TMEM209: variants seen among roughly 807,000 people sequenced by gnomAD.
TMEM209 encodes the protein transmembrane protein 209.
A neutral mutation model predicts 76.2 loss-of-function variants in TMEM209; 65 were observed. That is an observed-to-expected ratio of 0.85 (90% CI 0.70 to 1.05). The LOEUF is 1.05. Among genes scored for constraint, TMEM209 ranks in the 50% least tolerant of loss-of-function variants. The probability of loss-of-function intolerance (pLI) is 0.00; values close to 1 mark genes in which losing one functional copy is unlikely to be tolerated. For missense variants in TMEM209, 623 were observed against 685.5 expected, an observed-to-expected ratio of 0.91 and a Z score of 1.02; for synonymous variants, 239 against 237.6, an observed-to-expected ratio of 1.01 and a Z score of -0.06.
intron 10 of TMEM209, among the ~76,000 whole-genome samples, chr7:130,176,788 T>C (rs1476875069): frequency 6.6e-6 from 1 of 152,096 alleles, no homozygotes; most frequent in Non-Finnish European, 1.5e-5. Flanking sequence ...AAACAAACAT[T>C]GCCAAAAAAT....
At chr7:130,173,756 TA>T (rs1301156221) in intron 12 of TMEM209, 27 bp from the exon 13 acceptor site, 1 of 1,610,146 alleles carries the variant, frequency 6.2e-7, no homozygotes, top group East Asian at 2.2e-5. Context: ...TATGCTGCAT[TA>T]AAAAACCAAA....
chr7:130,178,603 T>C, intron 9 of TMEM209, 76 bp from the exon 10 acceptor site: 3 of 1,557,014 alleles, frequency 1.9e-6, no homozygotes, highest in East Asian at 2.3e-5. Flanking sequence ...GCTCTTCTCA[T>C]GTGTTCATAC....
At chr7:130,190,725 A>G (rs1316300064) in intron 6 of TMEM209, among the ~76,000 whole-genome samples, 1 of 152,080 alleles carries the variant, frequency 6.6e-6, no homozygotes, top group African/African-American at 2.4e-5. Flanking sequence ...GGTCAGGCAC[A>G]ATGGCTTACG....
At chr7:130,175,205 T>C (rs1407394469) in intron 11 of TMEM209, 2 of 269,590 alleles carry the variant, frequency 7.4e-6, no homozygotes, top group East Asian at 1.4e-4. Flanking sequence ...CTCGTGTCTG[T>C]AAACCCAGCA....
At chr7:130,176,025 G>A (rs1404027148) in intron 10 of TMEM209, among the ~76,000 whole-genome samples, 2 of 152,050 alleles carry the variant, frequency 1.3e-5, no homozygotes, top group Non-Finnish European at 2.9e-5. Context: ...AAAAAAAAGT[G>A]TGTGTGTATA....
intron 14 of TMEM209, among the ~76,000 whole-genome samples, chr7:130,169,756 C>T (rs1034792946): frequency 6.6e-6 from 1 of 151,810 alleles, no homozygotes; most frequent in Non-Finnish European, 1.5e-5. Flanking sequence ...TTTTGCTAGC[C>T]TTAGGTTACT....
chr7:130,200,810 A>G (rs1330578991), intron 5 of TMEM209, among the ~76,000 whole-genome samples: 1 of 152,184 alleles, frequency 6.6e-6, no homozygotes, highest in Non-Finnish European at 1.5e-5. Flanking sequence ...GATAACCAGT[A>G]GTATGGAATT....
chr7:130,175,527 C>A lies in TMEM209; in HGVS notation c.1329G>T (p.Leu443=), dbSNP rs945230242. 8 of 1,612,224 alleles carry A rather than the reference C, an allele frequency of 5.0e-6. No individual in the cohort carries two copies. In the African/African-American group the frequency reaches 1.1e-4, roughly 22 times the overall value. ...AGGGGCTTACAGCAGAATCGGTGGG[C>A]AGGTCTGTATCCCACTTTCGTCCTT... ...DFKGRKWDTD[L]PTDSAIIMHV... is the part of the protein sequence containing the mutation. Residue 443 remains leucine, a synonymous_variant, in exon 11 of 15, where the codon CTG becomes CTT. Coordinates refer to ENST00000397622, the MANE Select transcript of TMEM209 (RefSeq NM_032842.4).
In TMEM209 at chr7:130,166,431, A is replaced by C; in HGVS notation, c.*20T>G. 4 of 1,533,148 alleles carry C rather than the reference A, an allele frequency of 2.6e-6. No individual in the cohort carries two copies. The highest frequency in any genetic ancestry group is 2.1e-5 in the Admixed American group (1 of 47,344). The allele number at this position is 1,533,148 out of a possible 1,614,324, so 95.0% of individuals were successfully genotyped here. On this transcript the variant is annotated 3_prime_UTR_variant, in exon 15 of 15. Transcript: ENST00000397622. Reference sequence around the variant, plus strand: ...GGTTCAGTGAAATAGTCTAAATGTCAGAATTAAATATATGACTTGCTACTC... The same window carrying C: ...GGTTCAGTGAAATAGTCTAAATGTCCGAATTAAATATATGACTTGCTACTC...
chr7:130,185,476 A>C, intron 6 of TMEM209, 109 bp from the exon 7 acceptor site: 19 of 905,244 alleles, frequency 2.1e-5, no homozygotes, highest in Non-Finnish European at 2.9e-5. Context: ...ACCAACCCTC[A>C]AGGAGATTCT....
chr7:130,176,111 T>C (rs1331281111), intron 10 of TMEM209, among the ~76,000 whole-genome samples: 1 of 127,726 alleles, frequency 7.8e-6, no homozygotes, highest in Non-Finnish European at 1.6e-5. Context: ...GTGTTCACTG[T>C]ATTCTTTTTT....
intron 1 of TMEM209, among the ~76,000 whole-genome samples, chr7:130,204,453 T>C (rs1368426909): frequency 6.6e-6 from 1 of 152,174 alleles, no homozygotes; most frequent in Non-Finnish European, 1.5e-5. Context: ...GCGATTCTCC[T>C]GCCTCAGACT....
rs756909694 is a variant in TMEM209 at position 130,175,522 on chromosome 7, G to C, written c.1334C>G (p.Thr445Ser). 6.2e-7 allele frequency: 1 copy of C among 1,612,272 alleles called. No individual in the cohort carries two copies. Among genetic ancestry groups the C allele is most frequent in the Admixed American group, 1.7e-5 (1 of 59,842 alleles). ...AATCTAGGGGCTTACAGCAGAATCGGTGGGCAGGTCTGTATCCCACTTTCG... is the reference window on the plus strand; with the variant it reads ...AATCTAGGGGCTTACAGCAGAATCGCTGGGCAGGTCTGTATCCCACTTTCG... ...KGRKWDTDLP[T>S]DSAIIMHVFC... is the part of the protein sequence containing the mutation. The change falls in exon 11 of 15, where the codon ACC becomes AGC. Residue 445 changes from threonine to serine, a missense_variant. Physicochemically the swap from Thr to Ser is moderately conservative, Grantham distance 58 (BLOSUM62 1). Coordinates refer to ENST00000397622, the MANE Select transcript of TMEM209 (RefSeq NM_032842.4).
intron 9 of TMEM209, among the ~76,000 whole-genome samples, chr7:130,181,193 A>G (rs1797400803): frequency 6.6e-6 from 1 of 152,256 alleles, no homozygotes; most frequent in Non-Finnish European, 1.5e-5. Context: ...TGCTCAGTGA[A>G]AGAAGCCAGT....
At position 130,177,392 on chromosome 7, in the gene TMEM209, T is replaced by C. The variant is rs542919843; in HGVS notation, c.1246+1010A>G. ...ATGATAATTGTATTCTGGTTATGTA[T>C]GTTTGTATTAGTTTTCTAAAGGCTC... is the stretch of plus-strand genomic sequence containing the variant. On this transcript the variant is annotated intron_variant, in intron 10 of 14. Coordinates refer to ENST00000397622, the MANE Select transcript of TMEM209 (RefSeq NM_032842.4). Among the ~76,000 whole-genome samples, 405 of 150,962 alleles carry C rather than the reference T, an allele frequency of 2.7e-3. 2 individuals carry two copies. The highest frequency in any genetic ancestry group is 4.6e-3 in the Non-Finnish European group (313 of 67,792).
At chr7:130,179,015 T>C (rs1344619724) in intron 9 of TMEM209, among the ~76,000 whole-genome samples, 2 of 152,148 alleles carry the variant, frequency 1.3e-5, no homozygotes, top group Non-Finnish European at 2.9e-5. Context: ...CTCAAACTCC[T>C]GGGTTCAAGC....
At chr7:130,190,167 A>G (rs1450804912) in intron 6 of TMEM209, among the ~76,000 whole-genome samples, 1 of 152,210 alleles carries the variant, frequency 6.6e-6, no homozygotes, top group Non-Finnish European at 1.5e-5. Flanking sequence ...ATAAATGTAA[A>G]AGGCAGCTGC....
rs763344598 is a variant in TMEM209 at position 130,178,459 on chromosome 7, T to C, written c.1189A>G (p.Ile397Val). Residue 397 changes from isoleucine to valine, a missense_variant, in exon 10 of 15, where the codon ATC (isoleucine) becomes GTC (valine). Transcript: ENST00000397622. ...KAPLIPTLNTIVQYLDLTPNQ... is the reference protein window; with the variant it reads ...KAPLIPTLNTVVQYLDLTPNQ... ...GGAGTAAGGTCTAGATACTGAACGA[T>C]TGTGTTCAAAGTCGGAATGAGAGGC... The C allele has an allele frequency of 1.5e-5, 25 of 1,613,708 alleles. No homozygotes were observed. Among genetic ancestry groups the C allele is most frequent in the Admixed American group, 5.0e-5 (3 of 59,996 alleles).
intron 6 of TMEM209, among the ~76,000 whole-genome samples, chr7:130,191,502 A>G (rs773244237): frequency 6.6e-6 from 1 of 152,158 alleles, no homozygotes; most frequent in Non-Finnish European, 1.5e-5. Flanking sequence ...CATTCTGTTC[A>G]ATATACCAAA....
Sources: gnomAD v4.1 joint callset for allele counts (sites outside exome capture counted in the v4.1 genomes callset) on GRCh38, gnomAD v4.1.1 for gene constraint, MANE v1.5 for transcripts, NCBI Gene and HGNC (gene_info 2026-07-23, HGNC 2026-07-21) for gene names.